Variants in PTPRN2 observed in about 807,000 individuals in gnomAD.
PTPRN2 encodes the protein protein tyrosine phosphatase receptor type N2.
In PTPRN2, 74 loss-of-function variants were observed where a neutral mutation model predicts 118.8. That is an observed-to-expected ratio of 0.62 (90% CI 0.52 to 0.76). PTPRN2 has a LOEUF of 0.76. Among genes scored for constraint, PTPRN2 ranks in the 30% least tolerant of loss-of-function variants. The pLI is 0.00. For missense variants in PTPRN2, 1,481 were observed against 1,394.4 expected (o/e 1.06, Z -0.99); for synonymous variants, 641 against 608.0 (o/e 1.05, Z -0.80).
intron 12 of PTPRN2, among the ~76,000 whole-genome samples, chr7:157,751,760 C>A (rs1801482814): frequency 6.7e-6 from 1 of 148,850 alleles, no homozygotes; most frequent in African/African-American, 2.4e-5. Context: ...TGCCCGCACC[C>A]TTTGTTTCAT....
At chr7:157,968,096 CA>C (rs1302865063) in intron 11 of PTPRN2, among the ~76,000 whole-genome samples, 3 of 151,990 alleles carry the variant, frequency 2.0e-5, no homozygotes, top group Non-Finnish European at 4.4e-5. Flanking sequence ...CAGCGGAGGG[CA>C]GGGGAGGACC....
chr7:158,199,804 C>G (rs1826490903), intron 4 of PTPRN2, among the ~76,000 whole-genome samples: 1 of 116,618 alleles, frequency 8.6e-6, no homozygotes, highest in African/African-American at 4.3e-5. Context: ...GTGAAGGGCA[C>G]AGGCAGGCAC....
At chr7:157,683,056 C>T in intron 12 of PTPRN2, 119 bp from the exon 13 acceptor site, 2 of 890,004 alleles carry the variant, frequency 2.2e-6, no homozygotes, top group Non-Finnish European at 3.5e-6. Flanking sequence ...GCTGTGCTGG[C>T]CCTGGAGCCA....
At chr7:158,189,435 G>A (rs1229153096) in intron 5 of PTPRN2, among the ~76,000 whole-genome samples, 2 of 152,304 alleles carry the variant, frequency 1.3e-5, no homozygotes, top group Admixed American at 6.5e-5. Flanking sequence ...TGCAGGTGAC[G>A]ACTCGCTCAC....
Position 157,881,557 on chromosome 7 carries a change from G to T in PTPRN2, c.1788+17116C>A, listed in dbSNP as rs1199697181. Reference sequence around the variant, plus strand: ...GTGGCAGCCAGAGAGGACGCACATGGTCAACATGGCAACACCCCCTCAGTA... The same window carrying T: ...GTGGCAGCCAGAGAGGACGCACATGTTCAACATGGCAACACCCCCTCAGTA... On this transcript the variant is annotated intron_variant, in intron 12 of 22. Transcript: ENST00000389418. The surrounding 1 kb of genome is among the most constrained non-coding windows in gnomAD (Gnocchi z 4.7). Among the ~76,000 whole-genome samples, 1 of 152,104 alleles carries T rather than the reference G, an allele frequency of 6.6e-6. No homozygotes were observed. The highest frequency in any genetic ancestry group is 6.5e-5 in the Admixed American group (1 of 15,276).
chr7:158,027,975 A>C (rs1807400766), intron 11 of PTPRN2: 1 of 152,218 alleles, frequency 6.6e-6, no homozygotes. Flanking sequence ...AAAAGCCTTC[A>C]CTTCCTTCTG....
In PTPRN2 at chr7:158,149,940, C is replaced by G. The variant is rs912405100; in HGVS notation, c.911-11425G>C. ...TAAATTTAATATAAAATAAATAAAA[C>G]ATATGAAAAATAAAAATAGAAAGTA... is the stretch of plus-strand genomic sequence containing the variant. On this transcript the variant is annotated intron_variant, in intron 6 of 22. Coordinates refer to ENST00000389418, the MANE Select transcript of PTPRN2 (RefSeq NM_002847.5). Among the ~76,000 whole-genome samples, 9 of 151,714 alleles carry G rather than the reference C, an allele frequency of 5.9e-5. No individual in the cohort carries two copies. The East Asian group carries it at 1.7e-3, about 29-fold the overall frequency.
intron 3 of PTPRN2, among the ~76,000 whole-genome samples, chr7:158,289,472 TTG>T (rs1799968068): frequency 6.6e-6 from 1 of 152,210 alleles, no homozygotes; most frequent in Non-Finnish European, 1.5e-5. Context: ...ATTTCATTTA[TTG>T]TGTTTTCCAC....
chr7:158,203,849 G>A (rs769721076), intron 4 of PTPRN2, among the ~76,000 whole-genome samples: 4 of 152,238 alleles, frequency 2.6e-5, no homozygotes, highest in African/African-American at 4.8e-5. Flanking sequence ...CTACAGAAAA[G>A]TCTTACAGAC....
At position 157,801,883 on chromosome 7, in the gene PTPRN2, TTC is replaced by T. The variant is rs2151097984; in HGVS notation, c.1788+96788_1788+96789del. On this transcript the variant is annotated intron_variant, in intron 12 of 22. Coordinates refer to ENST00000389418, the MANE Select transcript of PTPRN2 (RefSeq NM_002847.5). The surrounding 1 kb of genome is among the most constrained non-coding windows in gnomAD (Gnocchi z 4.2). ...CCTGCAGGAAAACAACACAGATTTA[TTC>T]TCTCACAGGAGGCCACGGTCCAGAT... Among the ~76,000 whole-genome samples, 1 of 152,234 alleles carries T rather than the reference TTC, an allele frequency of 6.6e-6. No homozygotes were observed. The highest frequency in any genetic ancestry group is 1.9e-4 in the East Asian group (1 of 5,176).
intron 12 of PTPRN2, among the ~76,000 whole-genome samples, chr7:157,701,246 G>C (rs946258264): frequency 9.2e-5 from 14 of 152,170 alleles, no homozygotes. Context: ...CCCACACACT[G>C]AGGGCATGTT....
intron 2 of PTPRN2, among the ~76,000 whole-genome samples, chr7:158,332,683 T>C (rs1443378156): frequency 6.8e-6 from 1 of 146,270 alleles, no homozygotes; most frequent in Non-Finnish European, 1.5e-5. Flanking sequence ...ACACCCACAC[T>C]CTAACCATAA....
At chr7:158,406,624 G>A (rs942095829) in intron 2 of PTPRN2, among the ~76,000 whole-genome samples, 3 of 152,232 alleles carry the variant, frequency 2.0e-5, no homozygotes, top group African/African-American at 4.8e-5. Flanking sequence ...GCGGACCTGA[G>A]TCCTGCTGCA....
At chr7:157,701,314 C>T (rs1798055569) in intron 12 of PTPRN2, among the ~76,000 whole-genome samples, 1 of 152,340 alleles carries the variant, frequency 6.6e-6, no homozygotes, top group African/African-American at 2.4e-5. Flanking sequence ...AGTCACTCCT[C>T]TCTGCAGTCT....
chr7:158,324,100 C>T lies in PTPRN2; in HGVS notation c.164-7168G>A, dbSNP rs576328213. ...ACACCCAGACACACTAACTCATATA[C>T]AGGTGCACACAAGCGCACATGCACA... On this transcript the variant is annotated intron_variant, in intron 2 of 22. Transcript: ENST00000389418. 2.0e-4 allele frequency among the ~76,000 whole-genome samples: 30 copies of T among 152,206 alleles called. No homozygotes were observed. The South Asian group carries it at 6.2e-3, about 32-fold the overall frequency.
intron 9 of PTPRN2, among the ~76,000 whole-genome samples, chr7:158,120,611 G>A (rs1817083773): frequency 6.6e-6 from 1 of 152,190 alleles, no homozygotes; most frequent in African/African-American, 2.4e-5. Flanking sequence ...GCTGCATTCT[G>A]TGTAATTTTA....
At chr7:157,725,030 C>T (rs953707823) in intron 12 of PTPRN2, among the ~76,000 whole-genome samples, 3 of 152,226 alleles carry the variant, frequency 2.0e-5, no homozygotes, top group African/African-American at 7.2e-5. Context: ...TTCTCGTGTC[C>T]TTAAAAATAA....
At chr7:158,387,580 T>TG (rs1272056517) in intron 2 of PTPRN2, among the ~76,000 whole-genome samples, 33 of 6,974 alleles carry the variant, frequency 4.7e-3, no homozygotes, top group East Asian at 9.3e-3. Context: ...TCAGCTCAGC[T>TG]TGGCCCGGCC....
intron 6 of PTPRN2, among the ~76,000 whole-genome samples, chr7:158,147,777 TTATTCCCCCTCACTGACACCC>T (rs1820318021): frequency 1.1e-5 from 1 of 91,352 alleles, no homozygotes; most frequent in Non-Finnish European, 2.0e-5. Context: ...ACGCCACGTG[TTATTCCCCCTCACTGACACCC>T]CATTTCACGC....
Sources: gnomAD v4.1 joint callset for allele counts (sites outside exome capture counted in the v4.1 genomes callset) on GRCh38, gnomAD v4.1.1 for gene constraint, Gnocchi (gnomAD v3.1) non-coding constraint, MANE v1.5 for transcripts, NCBI Gene and HGNC (gene_info 2026-07-23, HGNC 2026-07-21) for gene names.